Variants in ART3 observed in about 807,000 individuals in gnomAD.
The protein encoded by ART3 is ecto-ADP-ribosyltransferase 3.
Under a neutral mutation model 48.5 loss-of-function variants are expected in ART3, and 49 were observed. The observed-to-expected ratio is 1.01, with a 90% CI of 0.80 to 1.28. The LOEUF (loss-of-function observed/expected upper bound fraction) is 1.28. ART3 is among the 50% of genes most tolerant of loss of function. The probability of loss-of-function intolerance (pLI) is 0.00; values close to 1 mark genes in which losing one functional copy is unlikely to be tolerated. For missense variants in ART3, 438 were observed against 454.3 expected, an observed-to-expected ratio of 0.96 and a Z score of 0.33; for synonymous variants, 145 against 157.2, an observed-to-expected ratio of 0.92 and a Z score of 0.58.
intron 1 of ART3, among the ~76,000 whole-genome samples, chr4:76,047,452 G>A (rs1031979300): frequency 2.6e-5 from 4 of 151,902 alleles, no homozygotes; most frequent in East Asian, 1.9e-4. Context: ...ACTTACCCCC[G>A]AGTGATTCAG....
intron 1 of ART3, among the ~76,000 whole-genome samples, chr4:76,044,666 TTTC>T (rs1735321866): frequency 6.6e-6 from 1 of 152,050 alleles, no homozygotes; most frequent in Non-Finnish European, 1.5e-5. Flanking sequence ...TCTGACTCCT[TTTC>T]TTTGTCTCTG....
At chr4:76,106,124 A>C in intron 10 of ART3, 1 of 985,384 alleles carries the variant, frequency 1.0e-6, no homozygotes, top group Non-Finnish European at 1.2e-6. Context: ...AACATGGAAC[A>C]TAAGAAGGCT....
At position 76,042,957 on chromosome 4, in the gene ART3, A is replaced by T. The variant is rs192133051; in HGVS notation, c.-10+31637A>T. 2.7e-3 allele frequency among the ~76,000 whole-genome samples: 404 copies of T among 151,868 alleles called. 6 individuals are homozygous for T. The highest frequency in any genetic ancestry group is 3.5e-3 in the Non-Finnish European group (237 of 67,872). On this transcript the variant is annotated intron_variant, in intron 1 of 9. Transcript: ENST00000341029. ...ACAGGGCGTGATTGGTGCGTTTACA[A>T]TCCCTGAGCTAGACACAAAGGTTCT...
chr4:76,105,289 G>A (rs1728222699), intron 10 of ART3, among the ~76,000 whole-genome samples: 1 of 152,194 alleles, frequency 6.6e-6, no homozygotes, highest in South Asian at 2.1e-4. Flanking sequence ...GAGCTGTGTA[G>A]ACAGATAGAC....
intron 1 of ART3, chr4:76,021,718 T>C (rs973552099): frequency 1.7e-6 from 1 of 593,444 alleles, no homozygotes; most frequent in African/African-American, 1.9e-5. Flanking sequence ...AGGGTAGAGT[T>C]ATTACTGAAT....
intron 3 of ART3, among the ~76,000 whole-genome samples, chr4:76,096,838 G>A (rs1052633182): frequency 2.2e-4 from 33 of 152,258 alleles, no homozygotes; most frequent in Admixed American, 1.2e-3. Flanking sequence ...ATGCCAACCC[G>A]TTTTCTTTAT....
chr4:76,104,573 A>G, intron 9 of ART3, 24 bp from the exon 10 acceptor site: 1 of 1,551,560 alleles, frequency 6.4e-7, no homozygotes, highest in Non-Finnish European at 8.7e-7. Context: ...ACTGTAAGTC[A>G]TTGGAAACTT....
intron 3 of ART3, among the ~76,000 whole-genome samples, chr4:76,084,018 C>A (rs1256635151): frequency 2.0e-5 from 3 of 152,140 alleles, no homozygotes; most frequent in Non-Finnish European, 4.4e-5. Context: ...GCTTAAATCC[C>A]TCTTTTACCC....
intron 1 of ART3, among the ~76,000 whole-genome samples, chr4:76,067,964 AC>A (rs1719906685): frequency 6.6e-6 from 1 of 151,996 alleles, no homozygotes; most frequent in Non-Finnish European, 1.5e-5. Flanking sequence ...AAATATAAAT[AC>A]CTTGTATTTA....
intron 3 of ART3, among the ~76,000 whole-genome samples, chr4:76,090,910 C>T (rs1046403267): frequency 1.3e-5 from 2 of 152,196 alleles, no homozygotes; most frequent in Non-Finnish European, 2.9e-5. Context: ...TCCTCCCTTT[C>T]CCTGTTTCCC....
chr4:76,075,396 A>AG (rs1222883083), intron 1 of ART3: 1 of 153,272 alleles, frequency 6.5e-6, no homozygotes, highest in Non-Finnish European at 1.5e-5. Context: ...GTCCCACTCA[A>AG]AAGGGCATGA....
chr4:76,084,541 T>C (rs983435599), intron 3 of ART3, among the ~76,000 whole-genome samples: 1 of 152,240 alleles, frequency 6.6e-6, no homozygotes, highest in Non-Finnish European at 1.5e-5. Flanking sequence ...AATAAGACTT[T>C]TTAAAAACAA....
intron 11 of ART3, among the ~76,000 whole-genome samples, chr4:76,111,484 GTGT>G (rs1452790589): frequency 1.3e-5 from 2 of 152,132 alleles, no homozygotes; most frequent in African/African-American, 4.8e-5. Flanking sequence ...TACTGTAAAT[GTGT>G]TTTCTCTTCC....
At chr4:76,076,060 A>C in intron 2 of ART3, 102 bp downstream of exon 2, 1 of 1,042,016 alleles carries the variant, frequency 9.6e-7, no homozygotes, top group Admixed American at 2.2e-5. Flanking sequence ...GCTGGAGTGC[A>C]GTGGCTCGAT....
intron 3 of ART3, among the ~76,000 whole-genome samples, chr4:76,093,382 T>C (rs373353727): frequency 3.9e-5 from 6 of 152,270 alleles, no homozygotes; most frequent in African/African-American, 1.4e-4. Flanking sequence ...GAGCCACGAC[T>C]GCGCCACTGT....
chr4:76,100,746 A>G lies in ART3; in HGVS notation c.878-49A>G, dbSNP rs369525151. The stretch of plus-strand genomic sequence containing the variant: ...TTTGCTGTAGCTGTAGTAACTGCCA[A>G]TTCTTTTGTTCCTTCGTTAAAACTG... On this transcript the variant is annotated intron_variant, in intron 6 of 11. Transcript: ENST00000355810. The G allele has an allele frequency of 6.3e-5, 100 of 1,594,722 alleles. 1 individual carries two copies. Among genetic ancestry groups the G allele is most frequent in the Middle Eastern group, 5.0e-4 (3 of 5,990 alleles).
At chr4:76,018,506 A>G (rs1029790180) in intron 1 of ART3, among the ~76,000 whole-genome samples, 2 of 152,160 alleles carry the variant, frequency 1.3e-5, no homozygotes, top group Admixed American at 6.5e-5. Context: ...TACCTGGGTG[A>G]TGAAATAATC....
intron 1 of ART3, chr4:76,022,047 G>T: frequency 8.8e-7 from 1 of 1,131,940 alleles, no homozygotes; most frequent in South Asian, 1.2e-5. Context: ...ATAGATAACT[G>T]AGCTTTCCTG....
At chr4:76,059,817 C>T (rs765317120) in intron 1 of ART3, among the ~76,000 whole-genome samples, 15 of 152,158 alleles carry the variant, frequency 9.9e-5, no homozygotes, top group Non-Finnish European at 1.8e-4. Context: ...GGAGAACTAT[C>T]AAGTTTGTAC....
Sources: allele counts gnomAD v4.1 joint callset (sites outside exome capture counted in the v4.1 genomes callset), GRCh38; gene constraint gnomAD v4.1.1; transcripts MANE v1.5; gene names NCBI Gene and HGNC (gene_info 2026-07-23, HGNC 2026-07-21).